The following PTPN21 variants were observed in gnomAD, a reference collection of about 807,000 sequenced individuals.
PTPN21 encodes the protein tyrosine-protein phosphatase non-receptor type 21.
PTPN21 carries 77 observed loss-of-function variants against 131.8 expected under a neutral mutation model. The observed-to-expected ratio is 0.58, with a 90% CI of 0.49 to 0.71. The LOEUF (loss-of-function observed/expected upper bound fraction) is 0.71, where lower values mean the gene tolerates loss of function less well. PTPN21 is among the 30% of genes least tolerant of loss of function. The pLI is 0.00. For synonymous variants in PTPN21, 715 were observed against 621.3 expected, an observed-to-expected ratio of 1.15 and a Z score of -2.24; for missense variants, 1,552 against 1,527.1, an observed-to-expected ratio of 1.02 and a Z score of -0.27.
chr14:88,479,122 C>A lies in PTPN21; in HGVS notation c.2309G>T (p.Arg770Met). 6.4e-7 allele frequency: 1 copy of A among 1,559,966 alleles called. No homozygotes were observed. Among genetic ancestry groups the A allele is most frequent in the Non-Finnish European group, 8.7e-7 (1 of 1,154,918 alleles). The change falls in exon 13 of 19, where the codon AGG (arginine) becomes ATG (methionine). Residue 770 changes from arginine to methionine, a missense_variant. Coordinates refer to ENST00000556564, the MANE Select transcript of PTPN21 (RefSeq NM_007039.4). ...PKAHVPDAEKRMMDSSPVRTT... is the reference protein window; with the variant it reads ...PKAHVPDAEKMMMDSSPVRTT... The stretch of plus-strand genomic sequence containing the variant: ...GCGGACGGGGCTGCTGTCCATCATC[C>A]TCTTCTCCGCGTCTGGGACGTGGGC...
chr14:88,508,646 A>G (rs1473569618), intron 3 of PTPN21, among the ~76,000 whole-genome samples: 1 of 152,204 alleles, frequency 6.6e-6, no homozygotes, highest in South Asian at 2.1e-4. Flanking sequence ...ATGGAAAGCC[A>G]GTGGCTAATC....
At chr14:88,485,214 G>A in intron 11 of PTPN21, 54 bp from the exon 12 acceptor site, 4 of 1,122,338 alleles carry the variant, frequency 3.6e-6, no homozygotes, top group South Asian at 2.0e-5. Context: ...ATGTAATACA[G>A]GTAAAGTTAT....
chr14:88,497,187 C>A lies in PTPN21; in HGVS notation c.852+16G>T. The A allele has an allele frequency of 1.9e-6, 3 of 1,567,374 alleles. No homozygotes were observed. Among genetic ancestry groups the A allele is most frequent in the Non-Finnish European group, 2.6e-6 (3 of 1,137,662 alleles). On this transcript the variant is annotated intron_variant, in intron 9 of 18. Transcript: ENST00000556564. Reference sequence around the variant, plus strand: ...TTAGGAAAAACATTCCATGCAGACCCCTAATGTTTACTCACAGTTTGAAAT... The same window carrying A: ...TTAGGAAAAACATTCCATGCAGACCACTAATGTTTACTCACAGTTTGAAAT...
rs1332219038 is a variant in PTPN21 at position 88,468,905 on chromosome 14, A to G, written c.3396+11T>C. On this transcript the variant is annotated intron_variant, in intron 18 of 18. Transcript: ENST00000556564. ...CACCCAAAAAGGCCAGGTGATCATA[A>G]GCGCCATCACCTCATTGTGTTCCAG... The G allele has an allele frequency of 6.2e-7, 1 of 1,613,968 alleles. No individual in the cohort carries two copies. The highest frequency in any genetic ancestry group is 2.2e-5 in the East Asian group (1 of 44,890).
chr14:88,510,364 T>C (rs1036334572), intron 3 of PTPN21, among the ~76,000 whole-genome samples: 2 of 152,232 alleles, frequency 1.3e-5, no homozygotes, highest in African/African-American at 4.8e-5. Context: ...CACTCATTAC[T>C]ATCCCTCTTA....
In PTPN21 at chr14:88,479,847, G is replaced by C. The variant is rs753685067; in HGVS notation, c.1584C>G (p.Ala528=). The change falls in exon 13 of 19, where the codon GCC becomes GCG. Residue 528 remains alanine, a synonymous_variant. Transcript: ENST00000556564. ...FHSPSPYPYP[A]ERRPVVGAVS... is the part of the protein sequence containing the mutation. ...CCGCGCCCACCACGGGCCGCCGCTC[G>C]GCAGGGTAGGGGTAGGGAGACGGGC... The C allele has an allele frequency of 6.4e-6, 10 of 1,558,052 alleles. No homozygotes were observed. The Admixed American group carries it at 1.4e-4, about 22-fold the overall frequency.
rs1296165843 is a variant in PTPN21, at chr14:88,479,539, T to G, written c.1892A>C (p.Gln631Pro). The part of the protein sequence containing the change: ...SEPLTAARHA[Q>P]LHKRNSIEVA... ...CTCGATGCTGTTCCGTTTGTGCAGC[T>G]GCGCGTGGCGCGCGGCGGTGAGGGG... The change falls in exon 13 of 19, where the codon CAG becomes CCG. Residue 631 changes from glutamine (Q) to proline (P), a missense_variant. Gln to Pro is a moderately conservative substitution (Grantham distance 76). This residue lies in a region of PTPN21 where 1,016 missense variants were observed against 883.5 expected (regional missense o/e 1.15). Transcript: ENST00000556564. The G allele has an allele frequency of 6.3e-7, 1 of 1,599,768 alleles. No individual in the cohort carries two copies. The highest frequency in any genetic ancestry group is 1.7e-5 in the Admixed American group (1 of 59,920).
At position 88,535,906 on chromosome 14, in the gene PTPN21, G is replaced by T. The variant is rs181513828; in HGVS notation, c.180+14332C>A. 7.9e-5 allele frequency among the ~76,000 whole-genome samples: 12 copies of T among 152,304 alleles called. No individual in the cohort carries two copies. The East Asian group carries it at 2.1e-3, about 27-fold the overall frequency. ...TCTGGACTATGCACGTCCTGTTAATGGAGTTCGTTTAATTGTAACAGAAGT... is the reference window on the plus strand; with the variant it reads ...TCTGGACTATGCACGTCCTGTTAATTGAGTTCGTTTAATTGTAACAGAAGT... On this transcript the variant is annotated intron_variant, in intron 2 of 18. Coordinates refer to ENST00000556564, the MANE Select transcript of PTPN21 (RefSeq NM_007039.4).
At chr14:88,549,222 C>G (rs1595424537) in intron 2 of PTPN21, among the ~76,000 whole-genome samples, 1 of 152,258 alleles carries the variant, frequency 6.6e-6, no homozygotes, top group African/African-American at 2.4e-5. Context: ...TGAGACCAAC[C>G]TGGGCAACAT....
rs940238482 is a variant in PTPN21 at position 88,512,793 on chromosome 14, T to G, written c.350+4299A>C. The stretch of plus-strand genomic sequence containing the variant: ...AGCTAACAACTACCTTACTGAACAG[T>G]GCAGACTGGAAGCTTGCTTTGATAC... On this transcript the variant is annotated intron_variant, in intron 3 of 18. Transcript: ENST00000556564. 3.9e-5 allele frequency among the ~76,000 whole-genome samples: 6 copies of G among 152,228 alleles called. No individual in the cohort carries two copies. In the East Asian group the frequency reaches 5.8e-4, roughly 15 times the overall value.
chr14:88,543,630 G>A (rs1323420084), intron 2 of PTPN21, among the ~76,000 whole-genome samples: 1 of 152,148 alleles, frequency 6.6e-6, no homozygotes, highest in African/African-American at 2.4e-5. Flanking sequence ...GTCAACAAGA[G>A]TCCTACTTTG....
chr14:88,536,076 G>A (rs927471204), intron 2 of PTPN21, among the ~76,000 whole-genome samples: 1 of 152,130 alleles, frequency 6.6e-6, no homozygotes, highest in Non-Finnish European at 1.5e-5. Context: ...ACTCTCACTG[G>A]TGATCAAAGC....
chr14:88,554,998 G>A lies in PTPN21; in HGVS notation c.-550C>T, dbSNP rs1278444149. Among the ~76,000 whole-genome samples, 2 of 150,296 alleles carry A rather than the reference G, an allele frequency of 1.3e-5. No individual in the cohort carries two copies. The highest frequency in any genetic ancestry group is 4.9e-5 in the African/African-American group (2 of 41,118). On this transcript the variant is annotated 5_prime_UTR_variant, in exon 1 of 19. Coordinates refer to ENST00000556564, the MANE Select transcript of PTPN21 (RefSeq NM_007039.4). Reference sequence around the variant, plus strand: ...GCGGCCGGAGCAGCGGGGCGGCCGGGCCCAGGCGTCCCTCCCCCTGAGCCG... The same window carrying A: ...GCGGCCGGAGCAGCGGGGCGGCCGGACCCAGGCGTCCCTCCCCCTGAGCCG...
At chr14:88,468,853 T>C (rs2077406778) in intron 18 of PTPN21, 63 bp downstream of exon 18, 3 of 1,602,278 alleles carry the variant, frequency 1.9e-6, no homozygotes, top group South Asian at 1.1e-5. Context: ...TAAGTCACTA[T>C]GTCCCTCTCT....
chr14:88,469,662 T>C lies in PTPN21; in HGVS notation c.3072A>G (p.Gly1024=). The change falls in exon 17 of 19, where the codon GGA becomes GGG. Residue 1024 remains glycine (G), a synonymous_variant. Transcript: ENST00000556564. This position sits in a 1 kb window ranked among gnomAD's most constrained non-coding sequence, Gnocchi z 4.3. ...GGAACCGGGTCGTGATCTTAAACCTTCCATAGGTGACAGTGTTGTGCCTGG... is the reference window on the plus strand; with the variant it reads ...GGAACCGGGTCGTGATCTTAAACCTCCCATAGGTGACAGTGTTGTGCCTGG... ...LGSRHNTVTY[G]RFKITTRFRT... The C allele has an allele frequency of 6.2e-7, 1 of 1,614,122 alleles. No homozygotes were observed.
chr14:88,499,021 A>G (rs2077967284), intron 8 of PTPN21, among the ~76,000 whole-genome samples: 1 of 152,218 alleles, frequency 6.6e-6, no homozygotes, highest in African/African-American at 2.4e-5. Context: ...CTATCCAGTG[A>G]TAAAGGAAGC....
rs1033576449 is a variant in PTPN21 at position 88,466,391 on chromosome 14, G to C, written c.*1746C>G. On this transcript the variant is annotated 3_prime_UTR_variant, in exon 19 of 19. Transcript: ENST00000556564. ...GTGGTTGGTTTCTGGGTAAGGCAGA[G>C]TTAGGCTGGTGCACACACTATTTAG... 2 of 152,154 alleles carry C rather than the reference G, an allele frequency of 1.3e-5. No individual in the cohort carries two copies. The highest frequency in any genetic ancestry group is 4.8e-5 in the African/African-American group (2 of 41,436). 9.4% of individuals were successfully genotyped at this position (152,154 alleles called of 1,614,324 possible).
intron 3 of PTPN21, among the ~76,000 whole-genome samples, chr14:88,511,540 T>C (rs990436037): frequency 2.6e-5 from 4 of 151,986 alleles, no homozygotes; most frequent in African/African-American, 9.7e-5. Context: ...GGCATGGTCG[T>C]GGGCACCTGT....
chr14:88,486,574 TAAGGAACC>T (rs2077736092), intron 10 of PTPN21, among the ~76,000 whole-genome samples: 1 of 152,056 alleles, frequency 6.6e-6, no homozygotes, highest in Non-Finnish European at 1.5e-5. Flanking sequence ...ACATTTCCTC[TAAGGAACC>T]AAGGGAAAGC....
Sources: allele counts gnomAD v4.1 joint callset (sites outside exome capture counted in the v4.1 genomes callset), GRCh38; gene constraint gnomAD v4.1.1; regional missense constraint gnomAD v4.1.1; non-coding constraint Gnocchi (gnomAD v3.1); transcripts MANE v1.5; gene names NCBI Gene and HGNC (gene_info 2026-07-23, HGNC 2026-07-21).